IKBKE: variants seen among roughly 807,000 people sequenced by gnomAD.
IKBKE encodes inhibitor of nuclear factor kappa B kinase subunit epsilon, also known as inhibitor of nuclear factor kappa-B kinase subunit epsilon.
Under a neutral mutation model 92.1 loss-of-function variants are expected in IKBKE, and 45 were observed. The ratio of observed to expected loss-of-function variants is 0.49; its 90% CI spans 0.38 to 0.63. The LOEUF is 0.63. Ranked by LOEUF, IKBKE falls within the 20% of genes least tolerant of loss-of-function variation. The pLI, the probability that IKBKE is intolerant of heterozygous loss-of-function variation, is 0.00. For synonymous variants in IKBKE, 374 were observed against 380.3 expected (o/e 0.98, Z 0.19); for missense variants, 700 against 932.8 (o/e 0.75, Z 3.25).
At chr1:206,488,087 C>G in intron 16 of IKBKE, 97 bp downstream of exon 16, 2 of 890,158 alleles carry the variant, frequency 2.2e-6, no homozygotes, top group Non-Finnish European at 3.6e-6. Flanking sequence ...CCACTAACCT[C>G]CAGCTAAGTG....
chr1:206,485,359 C>CA lies in IKBKE; in HGVS notation c.1616+56dup. 1 of 1,083,424 alleles carries CA rather than the reference C, an allele frequency of 9.2e-7. No individual in the cohort carries two copies. The highest frequency in any genetic ancestry group is 1.4e-6 in the Non-Finnish European group (1 of 700,928). 67.1% of individuals were successfully genotyped at this position (1,083,424 alleles called of 1,614,324 possible). A position where few individuals can be genotyped will look rare whatever the true frequency, so the allele number is the denominator to read the frequency against. ...GTGGGAGTGGGGGAGTGGGCAGCTC[C>CA]AAAGGTCCAGTAACCTTTAGCCTTT... On this transcript the variant is annotated intron_variant, in intron 15 of 21. Coordinates refer to ENST00000581977, the MANE Select transcript of IKBKE (RefSeq NM_014002.4). The surrounding 1 kb of genome is among the most constrained non-coding windows in gnomAD (Gnocchi z 5.0).
At chr1:206,473,855 A>C (rs1296426314) in intron 3 of IKBKE, among the ~76,000 whole-genome samples, 2 of 149,630 alleles carry the variant, frequency 1.3e-5, no homozygotes, top group African/African-American at 4.9e-5. Context: ...CCAGCTACTC[A>C]GGAGGCTGAG....
chr1:206,489,369 GTATATATATATATATA>G (rs368827445), intron 16 of IKBKE, among the ~76,000 whole-genome samples: 1 of 119,210 alleles, frequency 8.4e-6, no homozygotes, highest in African/African-American at 3.5e-5. Context: ...GTGTGTGTGT[GTATATATATATATATA>G]TATATATATA....
intron 4 of IKBKE, 119 bp downstream of exon 4, chr1:206,474,590 G>A: frequency 4.4e-6 from 5 of 1,135,014 alleles, no homozygotes; most frequent in Non-Finnish European, 5.0e-6. Context: ...AGAGACAGCA[G>A]GCAAATTGCA....
chr1:206,480,900 C>T (rs1427681241), intron 13 of IKBKE, among the ~76,000 whole-genome samples: 3 of 152,206 alleles, frequency 2.0e-5, no homozygotes, highest in African/African-American at 7.2e-5. Context: ...AGGACACACA[C>T]CCACGCACAG....
In IKBKE at chr1:206,478,959, G is replaced by A; in HGVS notation, c.1009G>A (p.Glu337Lys). 1.2e-6 allele frequency: 2 copies of A among 1,614,050 alleles called. No homozygotes were observed. The highest frequency in any genetic ancestry group is 1.7e-6 in the Non-Finnish European group (2 of 1,180,012). Reference sequence around the variant, plus strand: ...TGTGTCTAGGATAGCCATTTTCCAGGAGGCCGTGCACAAGCAGACCAGTGT... The same window carrying A: ...TGTGTCTAGGATAGCCATTTTCCAGAAGGCCGTGCACAAGCAGACCAGTGT... The part of the protein sequence containing the change: ...HAHNTIAIFQ[E>K]AVHKQTSVAP... Residue 337 changes from glutamate to lysine, a missense_variant, in exon 10 of 22, where the codon GAG (glutamate) becomes AAG (lysine). Coordinates refer to ENST00000581977, the MANE Select transcript of IKBKE (RefSeq NM_014002.4). The surrounding 1 kb of genome is among the most constrained non-coding windows in gnomAD (Gnocchi z 4.8).
Position 206,478,178 on chromosome 1 carries a change from G to A in IKBKE, c.831G>A (p.Leu277=). Residue 277 remains leucine (L), a synonymous_variant, in exon 9 of 22, where the codon CTG becomes CTA. Transcript: ENST00000581977. The surrounding 1 kb of genome is among the most constrained non-coding windows in gnomAD (Gnocchi z 4.8). ...CQLSLGLQSQ[L]VPILANILEV... ...AGGGCAGGGGGCTGCAGAGCCAGCTGGTGCCCATCCTGGCCAACATCCTGG... is the reference window on the plus strand; with the variant it reads ...AGGGCAGGGGGCTGCAGAGCCAGCTAGTGCCCATCCTGGCCAACATCCTGG... 1 of 1,613,914 alleles carries A rather than the reference G, an allele frequency of 6.2e-7. No homozygotes were observed. Among genetic ancestry groups the A allele is most frequent in the Non-Finnish European group, 8.5e-7 (1 of 1,180,024 alleles).
chr1:206,476,306 C>A lies in IKBKE; in HGVS notation c.484C>A (p.Arg162=). 1 of 1,613,962 alleles carries A rather than the reference C, an allele frequency of 6.2e-7. No homozygotes were observed. Among genetic ancestry groups the A allele is most frequent in the Non-Finnish European group, 8.5e-7 (1 of 1,179,918 alleles). Residue 162 remains arginine (R), a synonymous_variant, in exon 6 of 22, where the codon CGG becomes AGG. Coordinates refer to ENST00000581977, the MANE Select transcript of IKBKE (RefSeq NM_014002.4). This position sits in a 1 kb window ranked among gnomAD's most constrained non-coding sequence, Gnocchi z 5.1. ...IYKLTDFGAA[R]ELDDDEKFVS... is the part of the protein sequence containing the mutation. ...CAAGCTGACAGACTTCGGCGCTGCC[C>A]GGGAGCTGGATGATGATGAGAAGTT...
chr1:206,491,333 CCTT>C (rs1665942536), intron 17 of IKBKE: 5 of 385,116 alleles, frequency 1.3e-5, no homozygotes, highest in East Asian at 1.2e-4. Flanking sequence ...CACTCACACA[CCTT>C]CTTTCCACGG....
intron 19 of IKBKE, 56 bp from the exon 20 acceptor site, chr1:206,493,210 C>A: frequency 6.4e-7 from 1 of 1,562,168 alleles, no homozygotes; most frequent in Non-Finnish European, 8.8e-7. Context: ...ACTCCCCCTA[C>A]CCAGCCACAC....
At chr1:206,492,953 G>A in intron 18 of IKBKE, 70 bp from the exon 19 acceptor site, 2 of 1,349,362 alleles carry the variant, frequency 1.5e-6, no homozygotes, top group Non-Finnish European at 2.1e-6. Flanking sequence ...GGATCCGATG[G>A]CAGCTAGGCG....
In IKBKE at chr1:206,487,569, T is replaced by A. The variant is rs1476795035; in HGVS notation, c.1617-345T>A. Among the ~76,000 whole-genome samples the A allele has an allele frequency of 6.6e-6, 1 of 152,094 alleles. No individual in the cohort carries two copies. Among genetic ancestry groups the A allele is most frequent in the Non-Finnish European group, 1.5e-5 (1 of 68,018 alleles). On this transcript the variant is annotated intron_variant, in intron 15 of 21. Coordinates refer to ENST00000581977, the MANE Select transcript of IKBKE (RefSeq NM_014002.4). The surrounding 1 kb of genome is among the most constrained non-coding windows in gnomAD (Gnocchi z 5.3). ...GCTCTTAGGTTTCAGGGGCCTAGGC[T>A]CCTTCCCAGGGCCTAGTCTCACAAC...
Position 206,474,369 on chromosome 1 carries a change from T to C in IKBKE, c.126T>C (p.Thr42=). The C allele has an allele frequency of 1.2e-6, 2 of 1,613,930 alleles. No individual in the cohort carries two copies. ...TGGTTGCTGTGAAGGTCTTCAACAC[T>C]ACCAGCTACCTGCGGCCCCGCGAGG... is the stretch of plus-strand genomic sequence containing the variant. ...GELVAVKVFN[T]TSYLRPREVQ... is the part of the protein sequence containing the mutation. The change falls in exon 4 of 22, where the codon ACT becomes ACC. Residue 42 remains threonine (T), a synonymous_variant. Coordinates refer to ENST00000581977, the MANE Select transcript of IKBKE (RefSeq NM_014002.4).
In IKBKE at chr1:206,474,951, T is replaced by C. The variant is rs782143438; in HGVS notation, c.315T>C (p.Phe105=). The C allele has an allele frequency of 5.6e-6, 9 of 1,613,966 alleles. No homozygotes were observed. Among genetic ancestry groups the C allele is most frequent in the African/African-American group, 4.0e-5 (3 of 74,894 alleles). The stretch of plus-strand genomic sequence containing the variant: ...TGCTGGAGAGCCCTGAGAATGCCTT[T>C]GGGCTGCCTGAGGATGAGTTCCTGG... The part of the protein sequence containing the change: ...LSVLESPENA[F]GLPEDEFLVV... Residue 105 remains phenylalanine (F), a synonymous_variant, in exon 5 of 22, where the codon TTT becomes TTC. Coordinates refer to ENST00000581977, the MANE Select transcript of IKBKE (RefSeq NM_014002.4).
intron 18 of IKBKE, chr1:206,492,203 G>A: frequency 2.9e-6 from 1 of 341,774 alleles, no homozygotes; most frequent in Non-Finnish European, 5.8e-6. Flanking sequence ...AGGTGCCCCT[G>A]GGATAAGGAC....
intron 4 of IKBKE, 140 bp from the exon 5 acceptor site, chr1:206,474,725 G>A (rs1412547679): frequency 3.7e-5 from 38 of 1,018,060 alleles, no homozygotes; most frequent in Non-Finnish European, 5.4e-5. Flanking sequence ...CGGGATCAGT[G>A]TGAGGCCAAG....
In IKBKE at chr1:206,485,474, C is replaced by T. The variant is rs12090777; in HGVS notation, c.1616+168C>T. Among the ~76,000 whole-genome samples the T allele has an allele frequency of 0.014, 2,172 of 152,244 alleles. 48 individuals are homozygous for T. Among genetic ancestry groups the T allele is most frequent in the African/African-American group, 0.048 (2,006 of 41,528 alleles). Reference sequence around the variant, plus strand: ...GATCCAGCAATAAACAAGAACCCCCCGACTGCCCCAGACACCAGCCAGGAG... The same window carrying T: ...GATCCAGCAATAAACAAGAACCCCCTGACTGCCCCAGACACCAGCCAGGAG... On this transcript the variant is annotated intron_variant, in intron 15 of 21. Transcript: ENST00000581977. This position sits in a 1 kb window ranked among gnomAD's most constrained non-coding sequence, Gnocchi z 5.0.
intron 21 of IKBKE, among the ~76,000 whole-genome samples, chr1:206,495,607 T>C (rs148011130): frequency 3.3e-4 from 50 of 152,324 alleles, no homozygotes; most frequent in African/African-American, 1.1e-3. Flanking sequence ...AAAGAGGACA[T>C]TTGACAGCTT....
chr1:206,481,743 G>A (rs74145696), intron 13 of IKBKE, among the ~76,000 whole-genome samples: 118 of 146,796 alleles, frequency 8.0e-4, no homozygotes, highest in African/African-American at 2.9e-3. Context: ...AGGCAACCAC[G>A]GAGGCCTTCC....
Sources: gnomAD v4.1 joint callset for allele counts (sites outside exome capture counted in the v4.1 genomes callset) on GRCh38, gnomAD v4.1.1 for gene constraint, Gnocchi (gnomAD v3.1) non-coding constraint, MANE v1.5 for transcripts, NCBI Gene and HGNC (gene_info 2026-07-23, HGNC 2026-07-21) for gene names.